The following FBXW5 variants were observed in gnomAD, a reference collection of about 807,000 sequenced individuals.
The protein encoded by FBXW5 is F-box and WD repeat domain containing 5, also known as F-box/WD repeat-containing protein 5.
Under a neutral mutation model 50.9 loss-of-function variants are expected in FBXW5, and 74 were observed. The observed-to-expected ratio is 1.45, with a 90% confidence interval of 1.20 to 1.76. The LOEUF is 1.76. Among genes scored for constraint, FBXW5 ranks in the 40% most tolerant of loss-of-function variants. The pLI is 0.00. For missense variants in FBXW5, 1,073 were observed against 818.8 expected (o/e 1.31, Z -3.79); for synonymous variants, 523 against 362.2 (o/e 1.44, Z -5.04).
chr9:136,941,382 C>G lies in FBXW5; in HGVS notation c.1326G>C (p.Glu442Asp). ...DPMQPPPIAE[E>D]IDLLVFDLKT... ...TGAGGTCGAACACCAGCAGGTCAAT[C>G]TCCTCCGCGATTGGTGGCGGCTGCA... Residue 442 changes from glutamate (E) to aspartate (D), a missense_variant, in exon 8 of 9, where the codon GAG (glutamate) becomes GAC (aspartate). Glu to Asp is a conservative substitution (Grantham distance 45, BLOSUM62 2). Coordinates refer to ENST00000325285, the MANE Select transcript of FBXW5 (RefSeq NM_018998.4). 6.2e-7 allele frequency: 1 copy of G among 1,611,532 alleles called. No homozygotes were observed.
At position 136,940,920 on chromosome 9, in the gene FBXW5, A is replaced by G; in HGVS notation, c.*8T>C. ...GGGTCCCGGTGGCTCCAGTGCACCC[A>G]GCACACCTCAGCGCCTCTGGCTGGC... On this transcript the variant is annotated 3_prime_UTR_variant, in exon 9 of 9. Transcript: ENST00000325285. 2 of 1,577,218 alleles carry G rather than the reference A, an allele frequency of 1.3e-6. No homozygotes were observed. The highest frequency in any genetic ancestry group is 2.3e-5 in the East Asian group (1 of 43,262).
In FBXW5 at chr9:136,942,541, A is replaced by G. The variant is rs757409636; in HGVS notation, c.675+6T>C. On this transcript the variant is annotated splice_donor_region_variant and intron_variant, in intron 5 of 8. Coordinates refer to ENST00000325285, the MANE Select transcript of FBXW5 (RefSeq NM_018998.4). ...AGGGCAGCCCCGCCCCTAGCCCCGC[A>G]CGCACCTGGAAGGCATTGTTGAGCC... 2 of 1,608,810 alleles carry G rather than the reference A, an allele frequency of 1.2e-6. No individual in the cohort carries two copies. The highest frequency in any genetic ancestry group is 8.5e-7 in the Non-Finnish European group (1 of 1,177,198).
In FBXW5 at chr9:136,941,385, C is replaced by T. The variant is rs775269844; in HGVS notation, c.1323G>A (p.Glu441=). Residue 441 remains glutamate, a synonymous_variant, in exon 8 of 9, where the codon GAG becomes GAA. Coordinates refer to ENST00000325285, the MANE Select transcript of FBXW5 (RefSeq NM_018998.4). The stretch of plus-strand genomic sequence containing the variant: ...GGTCGAACACCAGCAGGTCAATCTC[C>T]TCCGCGATTGGTGGCGGCTGCATGG... ...ADPMQPPPIA[E]EIDLLVFDLK... The T allele has an allele frequency of 1.5e-5, 24 of 1,611,460 alleles. No homozygotes were observed. The highest frequency in any genetic ancestry group is 1.7e-5 in the Non-Finnish European group (20 of 1,179,914).
In FBXW5 at chr9:136,942,442, C is replaced by T. The variant is rs755151096; in HGVS notation, c.700G>A (p.Val234Met). 50 of 1,600,684 alleles carry T rather than the reference C, an allele frequency of 3.1e-5. No individual in the cohort carries two copies. The highest frequency in any genetic ancestry group is 1.7e-4 in the Middle Eastern group (1 of 6,046). ...FQDVESENVN[V>M]VKRLFKIQNL... ...TGGATCTTGAACAGCCGCTTCACCA[C>T]GTTGACGTTCTCTGACTCCACATCC... Residue 234 changes from valine (V) to methionine (M), a missense_variant, in exon 6 of 9, where the codon GTG becomes ATG. Coordinates refer to ENST00000325285, the MANE Select transcript of FBXW5 (RefSeq NM_018998.4).
At position 136,942,145 on chromosome 9, in the gene FBXW5, G is replaced by A. The variant is rs1236490732; in HGVS notation, c.997C>T (p.Gln333Ter). 1.9e-6 allele frequency: 3 copies of A among 1,609,614 alleles called. No homozygotes were observed. Among genetic ancestry groups the A allele is most frequent in the South Asian group, 2.2e-5 (2 of 90,324 alleles). ...LETKVAELLA[Q>*]GHTKPPERSA... is the part of the protein sequence containing the mutation. ...CGCTCGGGTGGCTTGGTGTGGCCCT[G>A]GGCCAGCAGCTCGGCCACCTTGGTC... Residue 333 changes from glutamine to a stop codon, truncating the protein, a stop_gained, in exon 6 of 9, where the codon CAG becomes TAG. Transcript: ENST00000325285. LOFTEE classifies it high-confidence loss of function.
chr9:136,944,178 C>T (rs756433842), intron 1 of FBXW5, 72 bp from the exon 2 acceptor site: 3 of 1,418,760 alleles, frequency 2.1e-6, no homozygotes, highest in Non-Finnish European at 2.8e-6. Context: ...CCTGTTCCTC[C>T]AGCCCCAACC....
intron 6 of FBXW5, 72 bp downstream of exon 6, chr9:136,941,974 C>T (rs1045198133): frequency 2.7e-6 from 4 of 1,489,636 alleles, no homozygotes; most frequent in South Asian, 1.3e-5. Flanking sequence ...TGCTGTCTGC[C>T]CCTCAGGACC....
In FBXW5 at chr9:136,942,373, A is replaced by G; in HGVS notation, c.769T>C (p.Cys257Arg). 6.2e-7 allele frequency: 1 copy of G among 1,611,174 alleles called. No homozygotes were observed. Among genetic ancestry groups the G allele is most frequent in the South Asian group, 1.1e-5 (1 of 90,970 alleles). ...STVRTVMVAD[C>R]SRFDSPDLLL... Reference sequence around the variant, plus strand: ...AGGTCAGGGCTGTCGAAGCGGCTGCAGTCGGCCACCATCACCGTGCGGACG... The same window carrying G: ...AGGTCAGGGCTGTCGAAGCGGCTGCGGTCGGCCACCATCACCGTGCGGACG... The change falls in exon 6 of 9, where the codon TGC (cysteine) becomes CGC (arginine). Residue 257 changes from cysteine (C) to arginine (R), a missense_variant. Physicochemically the swap from Cys to Arg is radical, Grantham distance 180. Coordinates refer to ENST00000325285, the MANE Select transcript of FBXW5 (RefSeq NM_018998.4).
rs1035500981 is a variant in FBXW5, at chr9:136,944,662, C to T, written c.-92G>A. ...CCGGACCCGCTTCCGCTGCCGCAGC[C>T]GCTCGGACCGCCGCCCCCGCCCAAC... On this transcript the variant is annotated 5_prime_UTR_variant, in exon 1 of 9. Transcript: ENST00000325285. The T allele has an allele frequency of 3.4e-4, 339 of 985,590 alleles. 1 individual carries two copies. The Admixed American group carries it at 5.8e-3, about 17-fold the overall frequency. The allele number at this position is 985,590 out of a possible 1,614,324, so 61.1% of individuals were successfully genotyped here.
Position 136,943,947 on chromosome 9 carries a change from C to T in FBXW5, c.137G>A (p.Trp46Ter). 11 of 1,556,846 alleles carry T rather than the reference C, an allele frequency of 7.1e-6. No homozygotes were observed. Among genetic ancestry groups the T allele is most frequent in the Non-Finnish European group, 9.6e-6 (11 of 1,151,136 alleles). Residue 46 changes from tryptophan (W) to a stop codon, truncating the protein, a stop_gained, in exon 2 of 9, where the codon TGG (tryptophan) becomes TAG (stop). Coordinates refer to ENST00000325285, the MANE Select transcript of FBXW5 (RefSeq NM_018998.4). LOFTEE classifies it high-confidence loss of function. ...WQAVSRDEFLWREQFYRYYQV... is the reference protein window; with the variant it reads ...WQAVSRDEFL Reference sequence around the variant, plus strand: ...GTAGTAGCGGTAGAACTGCTCCCTCCACAGGAACTCGTCCCGCGACACGGC... The same window carrying T: ...GTAGTAGCGGTAGAACTGCTCCCTCTACAGGAACTCGTCCCGCGACACGGC...
At chr9:136,942,725 T>C (rs764563932) in intron 4 of FBXW5, 30 bp from the exon 5 acceptor site, 5 of 1,609,086 alleles carry the variant, frequency 3.1e-6, no homozygotes, top group Non-Finnish European at 4.2e-6. Flanking sequence ...GGACAGGCTG[T>C]CGGCGTGGGG....
Position 136,942,315 on chromosome 9 carries a change from G to C in FBXW5, c.827C>G (p.Pro276Arg). ...LLEAGDPATS[P>R]CRIFDLGSDN... ...GCTGCCCAGGTCAAAGATGCGGCAG[G>C]GGGACGTGGCCGGGTCACCGGCTTC... The change falls in exon 6 of 9, where the codon CCC (proline) becomes CGC (arginine). Residue 276 changes from proline (P) to arginine (R), a missense_variant. Transcript: ENST00000325285. The C allele has an allele frequency of 1.9e-6, 3 of 1,598,746 alleles. No individual in the cohort carries two copies. Among genetic ancestry groups the C allele is most frequent in the Non-Finnish European group, 2.6e-6 (3 of 1,173,670 alleles).
rs1272101155 is a variant in FBXW5, at chr9:136,942,215, C to T, written c.927G>A (p.Val309=). The change falls in exon 6 of 9, where the codon GTG becomes GTA. Residue 309 remains valine (V), a synonymous_variant. Transcript: ENST00000325285. ...KEGLRHFLDR[V]LEGRAQPQLS... ...GCTGTGGCTGCGCCCGCCCCTCCAG[C>T]ACGCGGTCCAGAAAGTGCCGCAAGC... 3.8e-6 allele frequency: 6 copies of T among 1,592,960 alleles called. No homozygotes were observed. The highest frequency in any genetic ancestry group is 1.8e-5 in the Admixed American group (1 of 56,952).
In FBXW5 at chr9:136,941,223, C is replaced by CCGCCCTGCACCACGCCG. The variant is rs748047155; in HGVS notation, c.1457+11_1457+27dup. On this transcript the variant is annotated intron_variant, in intron 8 of 8. Transcript: ENST00000325285. ...GCCGCCCGCCCGCTGCTGCCCACAC[C>CCGCCCTGCACCACGCCG]CGCCCTGCACCACGCCGCGCCCTGC... The CCGCCCTGCACCACGCCG allele has an allele frequency of 1.2e-4, 191 of 1,600,216 alleles. 1 individual carries two copies. Among genetic ancestry groups the CCGCCCTGCACCACGCCG allele is most frequent in the Admixed American group, 9.3e-4 (55 of 59,392 alleles).
intron 1 of FBXW5, 97 bp downstream of exon 1, chr9:136,944,497 C>A (rs185340883): frequency 0.023 from 22,127 of 983,372 alleles, 267 homozygotes; most frequent in Non-Finnish European, 0.025. Context: ...GGGCGGACGG[C>A]GGGGACGAGC....
chr9:136,944,278 C>G (rs1475298881), intron 1 of FBXW5, 172 bp from the exon 2 acceptor site: 2 of 758,108 alleles, frequency 2.6e-6, no homozygotes, highest in Non-Finnish European at 3.8e-6. Flanking sequence ...CCGGGCGGGC[C>G]GGGCCGGCCC....
In FBXW5 at chr9:136,942,843, G is replaced by T. The variant is rs757206684; in HGVS notation, c.452C>A (p.Ser151Ter). Residue 151 changes from serine (S) to a stop codon, truncating the protein, a stop_gained, in exon 4 of 9, where the codon TCG (serine) becomes TAG (stop). Coordinates refer to ENST00000325285, the MANE Select transcript of FBXW5 (RefSeq NM_018998.4). LOFTEE classifies it high-confidence loss of function. ...GAACACCCCCGAGGCCAGCAGTAGC[G>T]AGTCGTCCTTGTTGAACTGGGAGAA... ...TQFSQFNKDD[S>*]LLLASGVFLG... is the part of the protein sequence containing the mutation. 1.2e-5 allele frequency: 20 copies of T among 1,613,376 alleles called. No individual in the cohort carries two copies. Among genetic ancestry groups the T allele is most frequent in the Non-Finnish European group, 1.7e-5 (20 of 1,179,994 alleles).
rs943110272 is a variant in FBXW5, at chr9:136,944,531, G to A, written c.-24+63C>T. On this transcript the variant is annotated intron_variant, in intron 1 of 8. Coordinates refer to ENST00000325285, the MANE Select transcript of FBXW5 (RefSeq NM_018998.4). ...GCGCACGGGCGGCCTCGGGGCTCCT[G>A]CACTCGCCCAAGGCGGGCGGGGACG... 6.1e-6 allele frequency: 6 copies of A among 984,056 alleles called. No homozygotes were observed. The Admixed American group carries it at 3.1e-4, about 51-fold the overall frequency. The allele number at this position is 984,056 out of a possible 1,614,324, so 61.0% of individuals were successfully genotyped here. A position where few individuals can be genotyped will look rare whatever the true frequency, so the allele number is the denominator to read the frequency against.
chr9:136,942,438 A>C lies in FBXW5; in HGVS notation c.704T>G (p.Val235Gly). ...GTTCTGGATCTTGAACAGCCGCTTCACCACGTTGACGTTCTCTGACTCCAC... is the reference window on the plus strand; with the variant it reads ...GTTCTGGATCTTGAACAGCCGCTTCCCCACGTTGACGTTCTCTGACTCCAC... ...QDVESENVNVVKRLFKIQNLN... is the reference protein window; with the variant it reads ...QDVESENVNVGKRLFKIQNLN... Residue 235 changes from valine (V) to glycine (G), a missense_variant, in exon 6 of 9, where the codon GTG becomes GGG. Physicochemically the swap from Val to Gly is moderately radical, Grantham distance 109. Transcript: ENST00000325285. 1 of 1,601,346 alleles carries C rather than the reference A, an allele frequency of 6.2e-7. No homozygotes were observed. The highest frequency in any genetic ancestry group is 8.5e-7 in the Non-Finnish European group (1 of 1,171,042).
Sources: allele counts gnomAD v4.1 joint callset, GRCh38; gene constraint gnomAD v4.1.1; transcripts MANE v1.5; gene names NCBI Gene and HGNC (gene_info 2026-07-23, HGNC 2026-07-21).